FAT3: variants seen among roughly 807,000 people sequenced by gnomAD.
The protein encoded by FAT3 is protocadherin Fat 3.
Under a neutral mutation model 310.2 loss-of-function variants are expected in FAT3, and 95 were observed. That is an observed-to-expected ratio of 0.31 (90% CI 0.26 to 0.36). The LOEUF is 0.36. FAT3 is among the 10% of genes least tolerant of loss of function. FAT3 has a pLI of 1.00. For missense variants in FAT3, 5,408 were observed against 5,715.6 expected, an observed-to-expected ratio of 0.95 and a Z score of 1.74; for synonymous variants, 2,314 against 2,192.9, an observed-to-expected ratio of 1.06 and a Z score of -1.54.
At chr11:92,579,114 C>G (rs1024619371) in intron 3 of FAT3, among the ~76,000 whole-genome samples, 1 of 151,892 alleles carries the variant, frequency 6.6e-6, no homozygotes, top group Non-Finnish European at 1.5e-5. Context: ...AAATTTGTAC[C>G]ATAAAAGATC....
intron 4 of FAT3, among the ~76,000 whole-genome samples, chr11:92,716,329 C>T (rs1046348534): frequency 3.9e-5 from 6 of 151,976 alleles, no homozygotes; most frequent in Non-Finnish European, 7.4e-5. Flanking sequence ...GTGTTTCTTC[C>T]CTTTAAATGA....
intron 3 of FAT3, among the ~76,000 whole-genome samples, chr11:92,529,560 G>GT (rs1190690012): frequency 6.6e-6 from 1 of 150,810 alleles, no homozygotes; most frequent in African/African-American, 2.4e-5. Flanking sequence ...TTGTTTGTTT[G>GT]TTTTTTCCAA....
chr11:92,821,327 G>T (rs1414186824), intron 13 of FAT3, among the ~76,000 whole-genome samples: 1 of 152,152 alleles, frequency 6.6e-6, no homozygotes, highest in Non-Finnish European at 1.5e-5. Context: ...AAAATGTTTT[G>T]AAAGAGATTG....
chr11:92,648,228 T>A (rs1454699430), intron 3 of FAT3, among the ~76,000 whole-genome samples: 1 of 152,168 alleles, frequency 6.6e-6, no homozygotes, highest in Admixed American at 6.5e-5. Flanking sequence ...ATGTTTTAGT[T>A]TGGAGGAATG....
chr11:92,820,119 T>G (rs548351317), intron 13 of FAT3, among the ~76,000 whole-genome samples: 118 of 152,350 alleles, frequency 7.7e-4, no homozygotes, highest in South Asian at 4.8e-3. Context: ...TGTATTAGTC[T>G]GCTCAGACTG....
At chr11:92,313,934 A>T (rs916412351) in intron 1 of FAT3, among the ~76,000 whole-genome samples, 1 of 152,260 alleles carries the variant, frequency 6.6e-6, no homozygotes, top group Non-Finnish European at 1.5e-5. Context: ...TCAGCAACAC[A>T]TACATTCTAC....
chr11:92,726,075 A>G (rs1028382004), intron 4 of FAT3, among the ~76,000 whole-genome samples: 7 of 152,188 alleles, frequency 4.6e-5, no homozygotes, highest in Admixed American at 1.3e-4. Flanking sequence ...CACAAATAAT[A>G]TAAGTATATT....
intron 3 of FAT3, among the ~76,000 whole-genome samples, chr11:92,551,031 T>C (rs1194633619): frequency 2.0e-5 from 3 of 151,994 alleles, no homozygotes; most frequent in African/African-American, 4.8e-5. Flanking sequence ...TATTCTGAAC[T>C]ATCTGGCCAA....
intron 2 of FAT3, among the ~76,000 whole-genome samples, chr11:92,357,967 CAG>C (rs1948777889): frequency 6.7e-6 from 1 of 150,098 alleles, no homozygotes; most frequent in Non-Finnish European, 1.5e-5. Context: ...TCAGGAGTCC[CAG>C]ACTAGCTTGG....
In FAT3 at chr11:92,812,014, T is replaced by C. The variant is rs185487881; in HGVS notation, c.9481+1938T>C. Among the ~76,000 whole-genome samples, 1,163 of 152,180 alleles carry C rather than the reference T, an allele frequency of 7.6e-3. 16 individuals are homozygous for C. The highest frequency in any genetic ancestry group is 0.011 in the Non-Finnish European group (722 of 68,002). On this transcript the variant is annotated intron_variant, in intron 13 of 27. Coordinates refer to ENST00000525166, the MANE Select transcript of FAT3 (RefSeq NM_001367949.2). ...GTGGTTGTGAAGGTCTTGGTCAGAG[T>C]AGACAGGAGATTCCAGTTGCAGCAG...
At chr11:92,384,928 G>A (rs1052386437) in intron 2 of FAT3, among the ~76,000 whole-genome samples, 2 of 152,198 alleles carry the variant, frequency 1.3e-5, no homozygotes, top group Non-Finnish European at 2.9e-5. Flanking sequence ...AGGATGGGAA[G>A]GCTGGGTTTC....
chr11:92,659,786 G>T (rs1345743578), intron 3 of FAT3, among the ~76,000 whole-genome samples: 14 of 152,198 alleles, frequency 9.2e-5, no homozygotes, highest in Non-Finnish European at 2.1e-4. Context: ...ATTGCAGGAA[G>T]TAGCCAAGTG....
At chr11:92,754,727 G>A (rs1252240065) in intron 4 of FAT3, among the ~76,000 whole-genome samples, 1 of 149,604 alleles carries the variant, frequency 6.7e-6, no homozygotes, top group African/African-American at 2.5e-5. Flanking sequence ...AATTAGCTGG[G>A]CGTGGTGGTG....
intron 2 of FAT3, among the ~76,000 whole-genome samples, chr11:92,511,367 T>A (rs1953282629): frequency 1.3e-5 from 2 of 152,122 alleles, no homozygotes. Flanking sequence ...AAATATCTGG[T>A]TGACTCTTCT....
chr11:92,530,295 A>AGGT (rs1565387891), intron 3 of FAT3, among the ~76,000 whole-genome samples: 1 of 152,096 alleles, frequency 6.6e-6, no homozygotes, highest in East Asian at 1.9e-4. Context: ...ACAAGTTTCT[A>AGGT]GGTGATGATG....
intron 1 of FAT3, among the ~76,000 whole-genome samples, chr11:92,261,121 C>G (rs185545430): frequency 6.6e-6 from 1 of 152,006 alleles, no homozygotes; most frequent in Non-Finnish European, 1.5e-5. Context: ...ATAAATCATC[C>G]TAGATCCCTG....
At chr11:92,472,199 T>C (rs573930372) in intron 2 of FAT3, among the ~76,000 whole-genome samples, 10 of 152,164 alleles carry the variant, frequency 6.6e-5, no homozygotes, top group African/African-American at 2.2e-4. Context: ...ATATTTTTTC[T>C]CTACTCTTTT....
In FAT3 at chr11:92,564,991, G is replaced by A. The variant is rs1444032251; in HGVS notation, c.3607+40043G>A. On this transcript the variant is annotated intron_variant, in intron 3 of 27. Transcript: ENST00000525166. ...AATTAAAAGAACTAGAGAAGCAAGA[G>A]CGAACACATTCAAAAGCTAGCAGAA... 4.1e-5 allele frequency among the ~76,000 whole-genome samples: 6 copies of A among 145,224 alleles called. No individual in the cohort carries two copies. In the East Asian group the frequency reaches 1.0e-3, roughly 25 times the overall value.
rs1447700870 is a variant in FAT3 at position 92,224,858 on chromosome 11, C to T, written c.-334C>T. ...TGCAGCTCGGAGCAGACAGGAGAGCCGGCGCTCCTCCCCGCAGGCTGCGCT... is the reference window on the plus strand; with the variant it reads ...TGCAGCTCGGAGCAGACAGGAGAGCTGGCGCTCCTCCCCGCAGGCTGCGCT... On this transcript the variant is annotated 5_prime_UTR_variant, in exon 1 of 28. Coordinates refer to ENST00000525166, the MANE Select transcript of FAT3 (RefSeq NM_001367949.2). 2.0e-5 allele frequency among the ~76,000 whole-genome samples: 3 copies of T among 151,942 alleles called. No homozygotes were observed. The highest frequency in any genetic ancestry group is 2.9e-5 in the Non-Finnish European group (2 of 67,966).
Sources: allele counts gnomAD v4.1 joint callset (sites outside exome capture counted in the v4.1 genomes callset), GRCh38; gene constraint gnomAD v4.1.1; transcripts MANE v1.5; gene names NCBI Gene and HGNC (gene_info 2026-07-23, HGNC 2026-07-21).